Variants in ANKMY1 observed in about 807,000 individuals in gnomAD.
The protein encoded by ANKMY1 is ankyrin repeat and MYND domain-containing protein 1.
ANKMY1 carries 98 observed loss-of-function variants against 102.0 expected under a neutral mutation model. That is an observed-to-expected ratio of 0.96 (90% CI 0.82 to 1.14). ANKMY1 has a LOEUF of 1.14. ANKMY1 is among the 50% of genes most tolerant of loss of function. The pLI is 0.00. For synonymous variants in ANKMY1, 582 were observed against 559.9 expected (o/e 1.04, Z -0.56); for missense variants, 1,330 against 1,347.6 (o/e 0.99, Z 0.20).
At chr2:240,546,009 A>G (rs1417360264) in intron 4 of ANKMY1, among the ~76,000 whole-genome samples, 1 of 152,094 alleles carries the variant, frequency 6.6e-6, no homozygotes, top group African/African-American at 2.4e-5. Flanking sequence ...AATACAGAGA[A>G]CGCCACAAAG....
intron 4 of ANKMY1, among the ~76,000 whole-genome samples, chr2:240,531,748 T>C (rs77846358): frequency 0.032 from 4,937 of 152,238 alleles, 188 homozygotes; most frequent in African/African-American, 0.091. Flanking sequence ...GGGTTTACTA[T>C]AAAGGAGCTG....
intron 9 of ANKMY1, chr2:240,519,856 C>T (rs1012179804): frequency 2.4e-5 from 6 of 248,390 alleles, no homozygotes; most frequent in African/African-American, 4.6e-5. Flanking sequence ...AGAAGCCGTC[C>T]GCTGGGAAAG....
At chr2:240,530,071 A>G (rs2084955761) in intron 4 of ANKMY1, among the ~76,000 whole-genome samples, 1 of 152,170 alleles carries the variant, frequency 6.6e-6, no homozygotes, top group Non-Finnish European at 1.5e-5. Context: ...AGGGGAGCCA[A>G]TCCTTGCTTC....
At chr2:240,541,463 G>C (rs1368738759) in intron 4 of ANKMY1, among the ~76,000 whole-genome samples, 2 of 151,708 alleles carry the variant, frequency 1.3e-5, no homozygotes, top group Admixed American at 1.3e-4. Flanking sequence ...TGTTCAATGG[G>C]AAAGCAAGAT....
intron 15 of ANKMY1, among the ~76,000 whole-genome samples, chr2:240,490,305 A>C (rs1246350066): frequency 1.3e-5 from 2 of 151,618 alleles, no homozygotes; most frequent in Non-Finnish European, 2.9e-5. Context: ...ATTTTCTTCT[A>C]ATTTTGGATT....
chr2:240,472,295 A>ACCAAT, the ANKMY1 span, among the ~76,000 whole-genome samples: 2 of 150,202 alleles, frequency 1.3e-5, no homozygotes, highest in African/African-American at 4.9e-5. Context: ...CTACCAATCT[A>ACCAAT]CAACTGCACA....
At chr2:240,484,132 C>A (rs528928029) in intron 15 of ANKMY1, among the ~76,000 whole-genome samples, 2 of 152,238 alleles carry the variant, frequency 1.3e-5, no homozygotes, top group South Asian at 4.2e-4. Context: ...GTGAATAGTG[C>A]TGCAATAAAC....
chr2:240,526,057 TCA>T, intron 6 of ANKMY1, 170 bp downstream of exon 6: 1 of 970,188 alleles, frequency 1.0e-6, no homozygotes, highest in South Asian at 1.6e-5. Context: ...ACCACGAGTG[TCA>T]CACTCAGCTG....
upstream of ANKMY1, chr2:240,560,811 GC>G: frequency 6.9e-7 from 1 of 1,440,008 alleles, no homozygotes; most frequent in African/African-American, 1.5e-5. Flanking sequence ...GCTGGCGCGC[GC>G]GGGAGTCACG....
At chr2:240,522,010 G>C (rs760446659) in intron 8 of ANKMY1, 3 of 152,246 alleles carry the variant, frequency 2.0e-5, no homozygotes. Context: ...AACTAAGCAG[G>C]TTGTCGCTGC....
Position 240,520,488 on chromosome 2 carries a change from G to A in ANKMY1, c.1878C>T (p.Gly626=). Residue 626 remains glycine, a synonymous_variant, in exon 9 of 18, where the codon GGC becomes GGT. Transcript: ENST00000401804. This position sits in a 1 kb window ranked among gnomAD's most constrained non-coding sequence, Gnocchi z 4.8. Reference sequence around the variant, plus strand: ...GCACGCAGCACAGGTTGGGGTCCGCGCCCCGGCGCAGCAGCAGCTTGATGG... The same window carrying A: ...GCACGCAGCACAGGTTGGGGTCCGCACCCCGGCGCAGCAGCAGCTTGATGG... ...WRTIKLLLRR[G]ADPNLCCVPM... 1.2e-6 allele frequency: 2 copies of A among 1,613,318 alleles called. No individual in the cohort carries two copies. Among genetic ancestry groups the A allele is most frequent in the African/African-American group, 1.3e-5 (1 of 75,038 alleles).
In ANKMY1 at chr2:240,520,541, A is replaced by C. The variant is rs774259224; in HGVS notation, c.1833-8T>G. The stretch of plus-strand genomic sequence containing the variant: ...CGCCAGCGCTTCCTCCGCCTGAAAA[A>C]GACGGTGCGCCCGTGGGCCCCTGGA... On this transcript the variant is annotated splice_polypyrimidine_tract_variant and splice_region_variant and intron_variant, in intron 8 of 17. Transcript: ENST00000401804. The surrounding 1 kb of genome is among the most constrained non-coding windows in gnomAD (Gnocchi z 4.8). 4 of 1,608,650 alleles carry C rather than the reference A, an allele frequency of 2.5e-6. No individual in the cohort carries two copies. The South Asian group carries it at 4.4e-5, about 18-fold the overall frequency.
chr2:240,502,006 C>T lies in ANKMY1; in HGVS notation c.2527-1441G>A, dbSNP rs80232545. On this transcript the variant is annotated intron_variant, in intron 13 of 17. Transcript: ENST00000401804. ...GTCGGTTCCCTGCTGGACATCCCTC[C>T]GAGGCCCCACCACCTCATCAAATCT... 7.6e-3 allele frequency among the ~76,000 whole-genome samples: 1,157 copies of T among 152,318 alleles called. 18 individuals are homozygous for T. Among genetic ancestry groups the T allele is most frequent in the African/African-American group, 0.027 (1,109 of 41,566 alleles).
At chr2:240,498,919 C>T (rs1379540147) in intron 15 of ANKMY1, among the ~76,000 whole-genome samples, 1 of 152,170 alleles carries the variant, frequency 6.6e-6, no homozygotes, top group Non-Finnish European at 1.5e-5. Context: ...GGAGTGGAAG[C>T]TCCCTGAGGT....
At chr2:240,553,248 A>T in intron 3 of ANKMY1, 191 bp from the exon 4 acceptor site, 1 of 636,482 alleles carries the variant, frequency 1.6e-6, no homozygotes. Context: ...CCAGGCAGTC[A>T]GCCTGATAGC....
At chr2:240,495,033 G>A (rs780506873) in intron 15 of ANKMY1, among the ~76,000 whole-genome samples, 2 of 151,518 alleles carry the variant, frequency 1.3e-5, no homozygotes, top group Non-Finnish European at 2.9e-5. Flanking sequence ...TAGAAAAAAC[G>A]AGGCCATACA....
chr2:240,552,225 G>T (rs2091637981), intron 4 of ANKMY1, among the ~76,000 whole-genome samples: 1 of 152,210 alleles, frequency 6.6e-6, no homozygotes, highest in African/African-American at 2.4e-5. Flanking sequence ...TGTGCAGGAA[G>T]CGGAAAGATC....
At chr2:240,531,407 A>G (rs564631362) in intron 4 of ANKMY1, among the ~76,000 whole-genome samples, 1 of 152,254 alleles carries the variant, frequency 6.6e-6, no homozygotes, top group Non-Finnish European at 1.5e-5. Flanking sequence ...AAGTGAAAAC[A>G]AAGATATATG....
At chr2:240,512,998 G>A (rs1407057616) in intron 9 of ANKMY1, 56 bp from the exon 10 acceptor site, 4 of 1,577,060 alleles carry the variant, frequency 2.5e-6, no homozygotes, top group South Asian at 1.2e-5. Flanking sequence ...GGAGAGACAG[G>A]TGAGGTACCT....
Sources: allele counts gnomAD v4.1 joint callset (sites outside exome capture counted in the v4.1 genomes callset), GRCh38; gene constraint gnomAD v4.1.1; non-coding constraint Gnocchi (gnomAD v3.1); transcripts MANE v1.5; gene names NCBI Gene and HGNC (gene_info 2026-07-23, HGNC 2026-07-21).